PAK1: variants seen among roughly 807,000 people sequenced by gnomAD.
The protein encoded by PAK1 is serine/threonine-protein kinase PAK 1.
PAK1 carries 29 observed loss-of-function variants against 67.4 expected under a neutral mutation model. That is an observed-to-expected ratio of 0.43 (90% CI 0.32 to 0.59). PAK1 has a LOEUF of 0.59. PAK1 is among the 20% of genes least tolerant of loss of function. The pLI, the probability that PAK1 is intolerant of heterozygous loss-of-function variation, is 0.07. For synonymous variants in PAK1, 223 were observed against 237.4 expected (o/e 0.94, Z 0.56); for missense variants, 337 against 670.7 (o/e 0.50, Z 5.50).
intron 1 of PAK1, 84 bp from the exon 2 acceptor site, chr11:77,392,625 A>C: frequency 9.4e-7 from 1 of 1,062,940 alleles, no homozygotes. Flanking sequence ...CAAAGAATCA[A>C]AATTATACAG....
rs936019113 is a variant in PAK1 at position 77,438,490 on chromosome 11, T to C, written c.-22+35062A>G. Among the ~76,000 whole-genome samples the C allele has an allele frequency of 3.5e-4, 53 of 152,178 alleles. 1 individual carries two copies. Among genetic ancestry groups the C allele is most frequent in the Admixed American group, 2.2e-3 (34 of 15,274 alleles). On this transcript the variant is annotated intron_variant, in intron 1 of 14. Transcript: ENST00000356341. ...TGAGCTTCTTTAGGTGCTCTATAAA[T>C]GTTTGTGGATGGAGCCCTTTACCTT...
At chr11:77,378,172 C>G (rs1317189022) in intron 4 of PAK1, among the ~76,000 whole-genome samples, 1 of 152,204 alleles carries the variant, frequency 6.6e-6, no homozygotes, top group Non-Finnish European at 1.5e-5. Context: ...GATTAGCCCA[C>G]TATTAATTTA....
chr11:77,405,793 G>A (rs1258356657), intron 1 of PAK1, among the ~76,000 whole-genome samples: 2 of 151,414 alleles, frequency 1.3e-5, no homozygotes, highest in South Asian at 2.1e-4. Flanking sequence ...TCTCAGAACT[G>A]TCTACTTAAA....
chr11:77,372,476 G>A (rs1320831596), intron 5 of PAK1, among the ~76,000 whole-genome samples: 7 of 152,192 alleles, frequency 4.6e-5, no homozygotes, highest in South Asian at 2.1e-4. Flanking sequence ...GGCACTGAAC[G>A]TGTGAATATT....
upstream of PAK1, chr11:77,475,618 G>A (rs1237706098): frequency 6.6e-6 from 1 of 152,122 alleles, no homozygotes; most frequent in East Asian, 1.9e-4. Flanking sequence ...TCCCTACTTA[G>A]CTGACTGGCC....
intron 1 of PAK1, among the ~76,000 whole-genome samples, chr11:77,408,992 C>T (rs1446633046): frequency 2.0e-5 from 3 of 152,216 alleles, no homozygotes; most frequent in East Asian, 1.9e-4. Flanking sequence ...AGGCTGGGCA[C>T]GATGGCTCAT....
chr11:77,497,460 A>C, the PAK1 span, among the ~76,000 whole-genome samples: 1 of 152,222 alleles, frequency 6.6e-6, no homozygotes, highest in Admixed American at 6.5e-5. Context: ...ACTCACTTAG[A>C]AGGAAAGTGA....
At chr11:77,364,506 G>A (rs1947240738) in intron 5 of PAK1, among the ~76,000 whole-genome samples, 1 of 152,140 alleles carries the variant, frequency 6.6e-6, no homozygotes, top group African/African-American at 2.4e-5. Context: ...ACCACAGACA[G>A]AGACTATGTC....
At chr11:77,340,903 GA>G in intron 10 of PAK1, 140 bp from the exon 11 acceptor site, 1 of 647,396 alleles carries the variant, frequency 1.5e-6, no homozygotes, top group Non-Finnish European at 2.8e-6. Flanking sequence ...TTACTTTGGG[GA>G]AAAGCAGAAT....
chr11:77,396,807 C>T (rs1427003360), intron 1 of PAK1, among the ~76,000 whole-genome samples: 1 of 152,160 alleles, frequency 6.6e-6, no homozygotes, highest in Non-Finnish European at 1.5e-5. Context: ...TACTACTTTC[C>T]AGCTTCCCTG....
chr11:77,489,927 G>A, the PAK1 span, among the ~76,000 whole-genome samples: 1 of 152,006 alleles, frequency 6.6e-6, no homozygotes, highest in African/African-American at 2.4e-5. Flanking sequence ...GGGATGTGAG[G>A]AGCCCCTCTG....
In PAK1 at chr11:77,379,169, T is replaced by C. The variant is rs186154330; in HGVS notation, c.439+72A>G. ...ACTTTCTTCTCTCATCCCAGACTAA[T>C]AGGCATGTGAGCTTTCCCACCCAGA... On this transcript the variant is annotated intron_variant, in intron 4 of 14. Coordinates refer to ENST00000356341, the MANE Select transcript of PAK1 (RefSeq NM_002576.5). 4.4e-5 allele frequency: 55 copies of C among 1,250,410 alleles called. No homozygotes were observed. The African/African-American group carries it at 7.2e-4, about 16-fold the overall frequency. 77.5% of individuals were successfully genotyped at this position (1,250,410 alleles called of 1,614,324 possible).
chr11:77,327,702 A>G (rs1422199439), intron 14 of PAK1, among the ~76,000 whole-genome samples: 1 of 152,196 alleles, frequency 6.6e-6, no homozygotes, highest in East Asian at 1.9e-4. Flanking sequence ...AAAGACCATC[A>G]AGGCTAGGAA....
intron 1 of PAK1, among the ~76,000 whole-genome samples, chr11:77,444,022 A>C (rs1417524470): frequency 6.6e-6 from 1 of 152,220 alleles, no homozygotes; most frequent in Admixed American, 6.5e-5. Flanking sequence ...TCTCTTCTAT[A>C]AATGAGCAAA....
Position 77,353,174 on chromosome 11 carries a change from A to G in PAK1, c.836+362T>C, listed in dbSNP as rs78087656. 1.0e-4 allele frequency: 20 copies of G among 193,530 alleles called. No homozygotes were observed. In the East Asian group the frequency reaches 2.1e-3, roughly 21 times the overall value. 12.0% of individuals were successfully genotyped at this position (193,530 alleles called of 1,614,324 possible). A position where few individuals can be genotyped will look rare whatever the true frequency, so the allele number is the denominator to read the frequency against. On this transcript the variant is annotated intron_variant, in intron 8 of 14. Coordinates refer to ENST00000356341, the MANE Select transcript of PAK1 (RefSeq NM_002576.5). The stretch of plus-strand genomic sequence containing the variant: ...CTATCACAGTAGTAGAAGGATTTAT[A>G]GTTTTGGGTCTTCCATTTTATATTA...
At chr11:77,418,139 A>G (rs1213974873) in intron 1 of PAK1, among the ~76,000 whole-genome samples, 1 of 152,212 alleles carries the variant, frequency 6.6e-6, no homozygotes, top group Admixed American at 6.5e-5. Flanking sequence ...AGAAAGAAAC[A>G]AAGACATACA....
At chr11:77,368,359 A>C (rs1947898717) in intron 5 of PAK1, among the ~76,000 whole-genome samples, 1 of 152,224 alleles carries the variant, frequency 6.6e-6, no homozygotes, top group African/African-American at 2.4e-5. Flanking sequence ...CAATTCTATA[A>C]GCAGCTGAAG....
intron 8 of PAK1, 95 bp from the exon 9 acceptor site, chr11:77,349,382 TCA>T: frequency 5.4e-6 from 5 of 927,822 alleles, no homozygotes; most frequent in African/African-American, 1.6e-5. Flanking sequence ...TCTGTGAGTG[TCA>T]AAAACAAGAG....
At chr11:77,491,956 A>G in the PAK1 span, among the ~76,000 whole-genome samples, 1 of 152,248 alleles carries the variant, frequency 6.6e-6, no homozygotes, top group Non-Finnish European at 1.5e-5. Flanking sequence ...CACTTCATCT[A>G]TAAAGACACA....
Sources: allele counts gnomAD v4.1 joint callset (sites outside exome capture counted in the v4.1 genomes callset), GRCh38; gene constraint gnomAD v4.1.1; transcripts MANE v1.5; gene names NCBI Gene and HGNC (gene_info 2026-07-23, HGNC 2026-07-21).